PLCH2: variants seen among roughly 807,000 people sequenced by gnomAD.
The protein encoded by PLCH2 is phospholipase C eta 2.
A neutral mutation model predicts 134.7 loss-of-function variants in PLCH2; 98 were observed. That is an observed-to-expected ratio of 0.73 (90% confidence interval 0.62 to 0.86). The LOEUF is 0.86. Ranked by LOEUF, PLCH2 falls within the 40% of genes least tolerant of loss-of-function variation. The probability of loss-of-function intolerance (pLI) is 0.00; values close to 1 mark genes in which losing one functional copy is unlikely to be tolerated. For missense variants in PLCH2, 1,994 were observed against 1,986.6 expected (o/e 1.00, Z -0.07); for synonymous variants, 974 against 827.5 (o/e 1.18, Z -3.04).
At chr1:2,488,409 A>G (rs957793238) in intron 8 of PLCH2, among the ~76,000 whole-genome samples, 1 of 152,166 alleles carries the variant, frequency 6.6e-6, no homozygotes, top group African/African-American at 2.4e-5. Flanking sequence ...TGACCAGTGT[A>G]ATCTGTGCAG....
chr1:2,452,346 T>G (rs1457892231), intron 2 of PLCH2, among the ~76,000 whole-genome samples: 1 of 152,168 alleles, frequency 6.6e-6, no homozygotes, highest in African/African-American at 2.4e-5. Context: ...GTATTTCATC[T>G]TGGCTGAAAG....
chr1:2,473,847 G>A (rs142843774), upstream of PLCH2, among the ~76,000 whole-genome samples: 1,659 of 152,360 alleles, frequency 0.011, 18 homozygotes, highest in South Asian at 0.023. Flanking sequence ...CAGGACTGCC[G>A]GCCCTTCCCA....
intron 4 of PLCH2, among the ~76,000 whole-genome samples, 157 bp from the exon 5 acceptor site, chr1:2,484,291 C>T (rs923957461): frequency 3.3e-5 from 5 of 152,016 alleles, no homozygotes; most frequent in African/African-American, 1.2e-4. Flanking sequence ...GGGCCCGTGC[C>T]CTGGGGAGTG....
intron 2 of PLCH2, among the ~76,000 whole-genome samples, chr1:2,431,888 G>T (rs2494640): frequency 3.3e-5 from 5 of 151,922 alleles, no homozygotes; most frequent in Non-Finnish European, 5.9e-5. Flanking sequence ...TGGTTGAGCC[G>T]GAATCGTGTC....
intron 5 of PLCH2, 47 bp from the exon 6 acceptor site, chr1:2,486,860 C>A: frequency 1.4e-6 from 2 of 1,481,252 alleles, no homozygotes; most frequent in Non-Finnish European, 1.9e-6. Flanking sequence ...GAGGCTATCC[C>A]AGGCCAGGGA....
intron 7 of PLCH2, 69 bp from the exon 8 acceptor site, chr1:2,487,529 C>T (rs1051610673): frequency 3.9e-5 from 60 of 1,553,062 alleles, no homozygotes; most frequent in Non-Finnish European, 4.6e-5. Context: ...CTCTTTTGGT[C>T]GAAGCTCAGC....
At position 2,498,464 on chromosome 1, in the gene PLCH2, A is replaced by T; in HGVS notation, c.2225-59A>T. On this transcript the variant is annotated intron_variant, in intron 16 of 21. Coordinates refer to ENST00000378486, the MANE Select transcript of PLCH2 (RefSeq NM_014638.4). This position sits in a 1 kb window ranked among gnomAD's most constrained non-coding sequence, Gnocchi z 5.4. ...AGGGGGCTGTTGGCAGCCATGCCCCAGCAAGCAGGGGGCTTGCTGAGGGCT... is the reference window on the plus strand; with the variant it reads ...AGGGGGCTGTTGGCAGCCATGCCCCTGCAAGCAGGGGGCTTGCTGAGGGCT... The T allele has an allele frequency of 6.4e-7, 1 of 1,565,724 alleles. No individual in the cohort carries two copies.
At chr1:2,423,504 G>C (rs1327224405), upstream of PLCH2, among the ~76,000 whole-genome samples, 3 of 152,178 alleles carry the variant, frequency 2.0e-5, no homozygotes, top group Admixed American at 2.0e-4. Flanking sequence ...CAGGTGCCAA[G>C]CAAGGAGATG....
chr1:2,446,100 C>A (rs1388833257), intron 2 of PLCH2, among the ~76,000 whole-genome samples: 1 of 152,214 alleles, frequency 6.6e-6, no homozygotes. Context: ...CTTCCACCCC[C>A]GTCCTGCTTC....
chr1:2,457,975 G>T (rs1363586200), intron 2 of PLCH2, among the ~76,000 whole-genome samples: 1 of 152,052 alleles, frequency 6.6e-6, no homozygotes, highest in East Asian at 1.9e-4. Flanking sequence ...AGAGAGCAAC[G>T]TGCGGGCCTC....
chr1:2,441,395 T>TG (rs1639686691), intron 2 of PLCH2, among the ~76,000 whole-genome samples: 1 of 152,126 alleles, frequency 6.6e-6, no homozygotes, highest in Admixed American at 6.5e-5. Flanking sequence ...CGTGGGGGCA[T>TG]GGGGGTGGGC....
upstream of PLCH2, among the ~76,000 whole-genome samples, chr1:2,474,138 G>A (rs533356158): frequency 1.1e-4 from 16 of 152,108 alleles, no homozygotes; most frequent in South Asian, 2.1e-4. Flanking sequence ...CTCGCCTGCC[G>A]GCATGGGGGT....
At chr1:2,429,856 C>T (rs1474812247) in intron 1 of PLCH2, among the ~76,000 whole-genome samples, 1 of 152,172 alleles carries the variant, frequency 6.6e-6, no homozygotes, top group Non-Finnish European at 1.5e-5. Flanking sequence ...CTGTACCCAG[C>T]ACAGCAGGAG....
In PLCH2 at chr1:2,483,809, G is replaced by C. The variant is rs867244179; in HGVS notation, c.646-639G>C. Among the ~76,000 whole-genome samples the C allele has an allele frequency of 4.6e-5, 5 of 108,882 alleles. 2 individuals are homozygous for C. Among genetic ancestry groups the C allele is most frequent in the African/African-American group, 2.3e-4 (5 of 22,112 alleles). 71.4% of individuals were successfully genotyped at this position (108,882 alleles called of 152,430 possible). On this transcript the variant is annotated intron_variant, in intron 4 of 21. Coordinates refer to ENST00000378486, the MANE Select transcript of PLCH2 (RefSeq NM_014638.4). ...TTTGGGGGGGCGCTGACCCCCGTGT[G>C]GGGGTGGCGCTGACCCCCGTGTGGG... is the stretch of plus-strand genomic sequence containing the variant.
intron 2 of PLCH2, among the ~76,000 whole-genome samples, chr1:2,433,870 C>T (rs1557939593): frequency 6.6e-6 from 1 of 152,226 alleles, no homozygotes; most frequent in African/African-American, 2.4e-5. Context: ...CGGATGTGCC[C>T]ACACTGGGGG....
intron 2 of PLCH2, among the ~76,000 whole-genome samples, chr1:2,436,218 CCTG>C: frequency 7.6e-6 from 1 of 131,464 alleles, no homozygotes. Context: ...CTCCTTCCTT[CCTG>C]CCTCCTCCTT....
intron 9 of PLCH2, 94 bp downstream of exon 9, chr1:2,489,472 C>T: frequency 7.3e-7 from 1 of 1,365,474 alleles, no homozygotes; most frequent in Non-Finnish European, 1.0e-6. Context: ...ATCATGCCAT[C>T]CATGGGCATA....
At chr1:2,502,455 G>A (rs55874156) in intron 21 of PLCH2, 46 bp downstream of exon 21, 30,461 of 1,523,034 alleles carry the variant, frequency 0.02, 396 homozygotes, top group Middle Eastern at 0.027. Flanking sequence ...GTGCGAGTGC[G>A]GCCCCCGCGT....
chr1:2,472,245 A>G (rs1287470017), upstream of PLCH2, among the ~76,000 whole-genome samples: 1 of 152,164 alleles, frequency 6.6e-6, no homozygotes, highest in African/African-American at 2.4e-5. Flanking sequence ...AATCTCCGCC[A>G]TATGTGTGTG....
Sources: gnomAD v4.1 joint callset for allele counts (sites outside exome capture counted in the v4.1 genomes callset) on GRCh38, gnomAD v4.1.1 for gene constraint, Gnocchi (gnomAD v3.1) non-coding constraint, MANE v1.5 for transcripts, NCBI Gene and HGNC (gene_info 2026-07-23, HGNC 2026-07-21) for gene names.